The following PKNOX2 variants were observed in gnomAD, a reference collection of about 807,000 sequenced individuals.
PKNOX2 encodes the protein PBX/knotted 1 homeobox 2, also known as homeobox protein PKNOX2.
In PKNOX2, 14 loss-of-function variants were observed where a neutral mutation model predicts 53.1. That is an observed-to-expected ratio of 0.26 (90% CI 0.17 to 0.41). PKNOX2 has a LOEUF of 0.41. Ranked by LOEUF, PKNOX2 falls within the 10% of genes least tolerant of loss-of-function variation. The pLI is 1.00. For missense variants in PKNOX2, 496 were observed against 602.8 expected (o/e 0.82, Z 1.85); for synonymous variants, 257 against 242.8 (o/e 1.06, Z -0.54).
intron 10 of PKNOX2, among the ~76,000 whole-genome samples, chr11:125,413,977 A>G (rs371109194): frequency 3.3e-5 from 5 of 152,066 alleles, no homozygotes; most frequent in African/African-American, 4.8e-5. Context: ...CCCACTTGCA[A>G]CTTACCCCTG....
rs1401127641 is a variant in PKNOX2 at position 125,370,631 on chromosome 11, C to G, written c.227+2646C>G. On this transcript the variant is annotated intron_variant, in intron 5 of 12. Transcript: ENST00000298282. This position sits in a 1 kb window ranked among gnomAD's most constrained non-coding sequence, Gnocchi z 4.1. ...AGCACCATGCTGGCTTCCCATCTCT[C>G]TAGTCCTGCTGCTGCCTCCTGGCCC... Among the ~76,000 whole-genome samples the G allele has an allele frequency of 6.6e-6, 1 of 152,250 alleles. No individual in the cohort carries two copies.
intron 4 of PKNOX2, among the ~76,000 whole-genome samples, chr11:125,362,900 A>G (rs1952000309): frequency 6.6e-6 from 1 of 152,066 alleles, no homozygotes; most frequent in South Asian, 2.1e-4. Flanking sequence ...CCCCACCCAG[A>G]TTTTACACAC....
chr11:125,176,112 C>G (rs973551284), intron 1 of PKNOX2, among the ~76,000 whole-genome samples: 1 of 152,136 alleles, frequency 6.6e-6, no homozygotes, highest in Non-Finnish European at 1.5e-5. Flanking sequence ...TCCTGAGCGC[C>G]CGGTGGTTTT....
intron 1 of PKNOX2, among the ~76,000 whole-genome samples, chr11:125,189,079 C>T (rs1214190138): frequency 1.3e-5 from 2 of 151,820 alleles, no homozygotes; most frequent in Non-Finnish European, 2.9e-5. Flanking sequence ...CGTTTTTGCT[C>T]TCTTCGTATT....
rs982040102 is a variant in PKNOX2, at chr11:125,248,940, A to C, written c.-130+13825A>C. Among the ~76,000 whole-genome samples the C allele has an allele frequency of 3.4e-5, 5 of 146,392 alleles. No homozygotes were observed. The South Asian group carries it at 1.0e-3, about 31-fold the overall frequency. ...TAACATATATAATATACATTATATAACGTATATACATGTATATATACATAC... is the reference window on the plus strand; with the variant it reads ...TAACATATATAATATACATTATATACCGTATATACATGTATATATACATAC... On this transcript the variant is annotated intron_variant, in intron 2 of 12. Coordinates refer to ENST00000298282, the MANE Select transcript of PKNOX2 (RefSeq NM_001382323.2).
At position 125,191,737 on chromosome 11, in the gene PKNOX2, C is replaced by T. The variant is rs1044766610; in HGVS notation, c.-201+26961C>T. ...TGGATGAGGACATTGGAAATGCCTTCTCAGAGGTGGCCGGGACGTACTTGC... is the reference window on the plus strand; with the variant it reads ...TGGATGAGGACATTGGAAATGCCTTTTCAGAGGTGGCCGGGACGTACTTGC... On this transcript the variant is annotated intron_variant, in intron 1 of 12. Transcript: ENST00000298282. Among the ~76,000 whole-genome samples the T allele has an allele frequency of 2.0e-5, 3 of 152,122 alleles. No homozygotes were observed. In the South Asian group the frequency reaches 6.2e-4, roughly 32 times the overall value.
chr11:125,235,559 A>G (rs1203388348), intron 2 of PKNOX2, among the ~76,000 whole-genome samples: 1 of 152,206 alleles, frequency 6.6e-6, no homozygotes, highest in Non-Finnish European at 1.5e-5. Flanking sequence ...TGAGGGAGGA[A>G]AAAGGAAATG....
At chr11:125,214,569 G>T (rs1940256970) in intron 1 of PKNOX2, among the ~76,000 whole-genome samples, 1 of 151,954 alleles carries the variant, frequency 6.6e-6, no homozygotes, top group African/African-American at 2.4e-5. Flanking sequence ...GTTTTGCCTG[G>T]GCTGGCCCTG....
chr11:125,218,418 C>A (rs117687290), intron 1 of PKNOX2, among the ~76,000 whole-genome samples: 1 of 151,152 alleles, frequency 6.6e-6, no homozygotes, highest in African/African-American at 2.4e-5. Context: ...GGGGGGGGGA[C>A]AGGAACTTGT....
intron 11 of PKNOX2, 50 bp from the exon 12 acceptor site, chr11:125,429,913 A>G (rs777181182): frequency 8.9e-6 from 14 of 1,567,624 alleles, no homozygotes; most frequent in Non-Finnish European, 1.0e-5. Context: ...CCCCCACCCC[A>G]AGGCCATGCA....
At chr11:125,311,835 A>G (rs1460713603) in intron 2 of PKNOX2, among the ~76,000 whole-genome samples, 1 of 152,178 alleles carries the variant, frequency 6.6e-6, no homozygotes, top group Non-Finnish European at 1.5e-5. Flanking sequence ...GTGATCCTTA[A>G]AAAAACATTT....
At chr11:125,167,348 C>A (rs540976259) in intron 1 of PKNOX2, among the ~76,000 whole-genome samples, 34 of 152,318 alleles carry the variant, frequency 2.2e-4, no homozygotes, top group African/African-American at 5.8e-4. Context: ...CCACGACCCA[C>A]GAGTGGCCTC....
intron 1 of PKNOX2, among the ~76,000 whole-genome samples, chr11:125,203,750 G>C (rs1938728058): frequency 2.0e-5 from 3 of 152,152 alleles, no homozygotes; most frequent in African/African-American, 7.2e-5. Context: ...TGGAGTCCTG[G>C]GTGCTTTGGG....
At chr11:125,289,229 GA>G (rs1216698204) in intron 2 of PKNOX2, among the ~76,000 whole-genome samples, 8 of 152,192 alleles carry the variant, frequency 5.3e-5, no homozygotes, top group African/African-American at 1.9e-4. Context: ...ACAGTGGAAT[GA>G]GACCCAAAAT....
intron 1 of PKNOX2, among the ~76,000 whole-genome samples, chr11:125,178,661 G>GAGA (rs1955927177): frequency 3.2e-5 from 3 of 94,710 alleles, no homozygotes; most frequent in African/African-American, 2.1e-4. Flanking sequence ...AAGGAAGGAA[G>GAGA]GAAGGAAGGA....
At chr11:125,319,534 G>A (rs892256753) in intron 2 of PKNOX2, among the ~76,000 whole-genome samples, 4 of 152,214 alleles carry the variant, frequency 2.6e-5, no homozygotes, top group African/African-American at 7.2e-5. Context: ...ATATTTTTAA[G>A]TGCTACCAGG....
intron 1 of PKNOX2, among the ~76,000 whole-genome samples, chr11:125,219,747 A>C (rs891847255): frequency 6.6e-6 from 1 of 152,244 alleles, no homozygotes; most frequent in African/African-American, 2.4e-5. Context: ...GCAAAAAGCC[A>C]AAAAATTTGA....
At chr11:125,223,562 A>G (rs979078912) in intron 1 of PKNOX2, among the ~76,000 whole-genome samples, 2 of 152,194 alleles carry the variant, frequency 1.3e-5, no homozygotes, top group Admixed American at 6.5e-5. Context: ...CTGAGGCTCA[A>G]GGTACCAGGT....
At chr11:125,345,004 A>T (rs1950895656) in intron 3 of PKNOX2, among the ~76,000 whole-genome samples, 1 of 152,102 alleles carries the variant, frequency 6.6e-6, no homozygotes, top group Non-Finnish European at 1.5e-5. Context: ...CCCCACTCCA[A>T]GCCTGACCTC....
Sources: allele counts gnomAD v4.1 joint callset (sites outside exome capture counted in the v4.1 genomes callset), GRCh38; gene constraint gnomAD v4.1.1; non-coding constraint Gnocchi (gnomAD v3.1); transcripts MANE v1.5; gene names NCBI Gene and HGNC (gene_info 2026-07-23, HGNC 2026-07-21).